The following PSMD12 variants were observed in gnomAD, a reference collection of about 807,000 sequenced individuals.
PSMD12 encodes 26S proteasome non-ATPase regulatory subunit 12.
A neutral mutation model predicts 62.9 loss-of-function variants in PSMD12; 8 were observed. The ratio of observed to expected loss-of-function variants is 0.13; its 90% CI spans 0.07 to 0.23. The LOEUF is 0.23. Among genes scored for constraint, PSMD12 ranks in the 10% least tolerant of loss-of-function variants. The pLI is 1.00. For missense variants in PSMD12, 424 were observed against 550.2 expected, an observed-to-expected ratio of 0.77 and a Z score of 2.29; for synonymous variants, 173 against 187.4, an observed-to-expected ratio of 0.92 and a Z score of 0.63.
chr17:67,347,007 G>T, intron 7 of PSMD12, 109 bp downstream of exon 7: 1 of 1,176,908 alleles, frequency 8.5e-7, no homozygotes, highest in Non-Finnish European at 1.2e-6. Flanking sequence ...ATAGAAAGCA[G>T]CACCATACAA....
At chr17:67,346,421 T>C (rs374370235) in intron 7 of PSMD12, among the ~76,000 whole-genome samples, 219 of 142,936 alleles carry the variant, frequency 1.5e-3, no homozygotes, top group African/African-American at 5.3e-3. Flanking sequence ...AAAAATTAGC[T>C]GGGCATGGTG....
chr17:67,355,473 A>T (rs1311513536), intron 3 of PSMD12: 1 of 152,238 alleles, frequency 6.6e-6, no homozygotes. Context: ...TCTGCAAAAA[A>T]TAATTTAACC....
chr17:67,343,644 T>C (rs1393563617), intron 9 of PSMD12, among the ~76,000 whole-genome samples: 1 of 152,224 alleles, frequency 6.6e-6, no homozygotes, highest in African/African-American at 2.4e-5. Flanking sequence ...CTGATACTCT[T>C]TTTATTTATA....
At chr17:67,354,567 A>T (rs958318118) in intron 3 of PSMD12, among the ~76,000 whole-genome samples, 2 of 152,180 alleles carry the variant, frequency 1.3e-5, no homozygotes, top group African/African-American at 4.8e-5. Context: ...TTGCCCCAAG[A>T]CTTCTAATTA....
intron 1 of PSMD12, among the ~76,000 whole-genome samples, chr17:67,365,178 C>T (rs2042167741): frequency 1.3e-5 from 2 of 149,186 alleles, no homozygotes. Context: ...AAGTGAAACT[C>T]CGTCTCAAAA....
Position 67,347,533 on chromosome 17 carries a change from T to C in PSMD12, c.511-48A>G, listed in dbSNP as rs755190205. On this transcript the variant is annotated intron_variant, in intron 5 of 10. Transcript: ENST00000356126. ...AAGTTTATAATACTTTGCAATTTTGTGAATTGCAATAAAATGAAATAGATA... is the reference window on the plus strand; with the variant it reads ...AAGTTTATAATACTTTGCAATTTTGCGAATTGCAATAAAATGAAATAGATA... 22 of 1,512,370 alleles carry C rather than the reference T, an allele frequency of 1.5e-5. No homozygotes were observed. In the Admixed American group the frequency reaches 2.5e-4, roughly 17 times the overall value. The allele number at this position is 1,512,370 out of a possible 1,614,324, so 93.7% of individuals were successfully genotyped here. A position where few individuals can be genotyped will look rare whatever the true frequency, so the allele number is the denominator to read the frequency against.
rs56070875 is a variant in PSMD12 at position 67,346,490 on chromosome 17, G to C, written c.795+626C>G. On this transcript the variant is annotated intron_variant, in intron 7 of 10. Transcript: ENST00000356126. ...TGAGGCAGGCGAGTCACTTGAATCC[G>C]GGAGGCGGAGGTTGCAGTGAGCCAA... Among the ~76,000 whole-genome samples the C allele has an allele frequency of 9.5e-4, 145 of 152,116 alleles. 1 individual carries two copies. The Middle Eastern group carries it at 0.01, about 11-fold the overall frequency.
chr17:67,366,520 G>C lies in PSMD12; in HGVS notation c.-1C>G. ...CCCGCTCCGAGCCGCCGTCCGCCAT[G>C]GTCCCCGCCTGAGCGTCCCTTGCTG... On this transcript the variant is annotated 5_prime_UTR_variant, in exon 1 of 11. Coordinates refer to ENST00000356126, the MANE Select transcript of PSMD12 (RefSeq NM_002816.5). 1 of 1,603,550 alleles carries C rather than the reference G, an allele frequency of 6.2e-7. No individual in the cohort carries two copies. Among genetic ancestry groups the C allele is most frequent in the Non-Finnish European group, 8.5e-7 (1 of 1,176,556 alleles).
Position 67,350,353 on chromosome 17 carries a change from C to A in PSMD12, c.298-17G>T. On this transcript the variant is annotated splice_polypyrimidine_tract_variant and intron_variant, in intron 3 of 10. Transcript: ENST00000356126. ...GGCAACAGCCTAAAATATTAAAAAC[C>A]ATTCATAAGTAAAATACATTCCTCA... 1.3e-6 allele frequency: 2 copies of A among 1,536,378 alleles called. No individual in the cohort carries two copies. The highest frequency in any genetic ancestry group is 8.9e-7 in the Non-Finnish European group (1 of 1,127,626).
intron 5 of PSMD12, 131 bp from the exon 6 acceptor site, chr17:67,347,616 G>A: frequency 3.6e-6 from 3 of 825,762 alleles, no homozygotes; most frequent in African/African-American, 1.7e-5. Flanking sequence ...GGAGAGTGTT[G>A]ACAATTACAT....
chr17:67,351,688 T>G (rs2042019613), intron 3 of PSMD12, among the ~76,000 whole-genome samples: 1 of 151,920 alleles, frequency 6.6e-6, no homozygotes, highest in South Asian at 2.1e-4. Flanking sequence ...ACCCAAACAG[T>G]GAACATTGCA....
chr17:67,359,282 GAGTTTGAGGCTGCAGTGAGCTAGGAATGT>G (rs2143730030), intron 1 of PSMD12, among the ~76,000 whole-genome samples: 1 of 152,328 alleles, frequency 6.6e-6, no homozygotes, highest in Non-Finnish European at 1.5e-5. Flanking sequence ...TTGAGTGCAA[GAGTTTGAGGCTGCAGTGAGCTAGGAATGT>G]ACCACTGCAC....
intron 1 of PSMD12, among the ~76,000 whole-genome samples, chr17:67,365,969 C>T (rs1169535184): frequency 2.6e-5 from 4 of 152,180 alleles, no homozygotes; most frequent in Non-Finnish European, 5.9e-5. Flanking sequence ...TATCACTTTC[C>T]TGCCCCTTCT....
rs974010043 is a variant in PSMD12, at chr17:67,340,198, G to A, written c.*645C>T. ...GATTCTGTTGAACAACTGATCAAGTGAGAGGATGAGGGCTGAAAGCAATCA... is the reference window on the plus strand; with the variant it reads ...GATTCTGTTGAACAACTGATCAAGTAAGAGGATGAGGGCTGAAAGCAATCA... On this transcript the variant is annotated 3_prime_UTR_variant, in exon 11 of 11. Transcript: ENST00000356126. The A allele has an allele frequency of 2.0e-5, 3 of 148,054 alleles. No individual in the cohort carries two copies. Among genetic ancestry groups the A allele is most frequent in the Non-Finnish European group, 4.4e-5 (3 of 67,448 alleles). 9.2% of individuals were successfully genotyped at this position (148,054 alleles called of 1,614,324 possible). A position where few individuals can be genotyped will look rare whatever the true frequency, so the allele number is the denominator to read the frequency against.
Position 67,357,519 on chromosome 17 carries a change from A to G in PSMD12, c.168T>C (p.Thr56=). The change falls in exon 2 of 11, where the codon ACT becomes ACC. Residue 56 remains threonine (T), a splice_region_variant and synonymous_variant. Transcript: ENST00000356126. The part of the protein sequence containing the change: ...TLLSLEKQTR[T]ASDMVSTSRI... Reference sequence around the variant, plus strand: ...GAGCTTTCCCCTGTAAACTACTCACAGTACGAGTCTGCTTTTCCAGAGAGA... The same window carrying G: ...GAGCTTTCCCCTGTAAACTACTCACGGTACGAGTCTGCTTTTCCAGAGAGA... The G allele has an allele frequency of 2.5e-6, 4 of 1,613,666 alleles. No homozygotes were observed. The highest frequency in any genetic ancestry group is 8.5e-7 in the Non-Finnish European group (1 of 1,179,590).
chr17:67,349,112 C>T (rs533715788), intron 4 of PSMD12, among the ~76,000 whole-genome samples: 1 of 152,194 alleles, frequency 6.6e-6, no homozygotes, highest in Non-Finnish European at 1.5e-5. Context: ...CTCTACCTCC[C>T]GGGTTCAACT....
At chr17:67,362,478 G>A (rs1177680135) in intron 1 of PSMD12, among the ~76,000 whole-genome samples, 1 of 152,046 alleles carries the variant, frequency 6.6e-6, no homozygotes, top group East Asian at 1.9e-4. Flanking sequence ...TTTGAGACCA[G>A]CCTAGCTAGT....
At chr17:67,342,699 G>C (rs572809965) in intron 9 of PSMD12, among the ~76,000 whole-genome samples, 2 of 152,090 alleles carry the variant, frequency 1.3e-5, no homozygotes, top group Admixed American at 1.3e-4. Flanking sequence ...CACTTTGGGA[G>C]GCTGAGGCAA....
intron 4 of PSMD12, among the ~76,000 whole-genome samples, chr17:67,349,007 G>T (rs2041994089): frequency 6.6e-6 from 1 of 152,050 alleles, no homozygotes; most frequent in Non-Finnish European, 1.5e-5. Flanking sequence ...AAAATAAAAG[G>T]TAGAACTGAA....
Sources: gnomAD v4.1 joint callset for allele counts (sites outside exome capture counted in the v4.1 genomes callset) on GRCh38, gnomAD v4.1.1 for gene constraint, MANE v1.5 for transcripts, NCBI Gene and HGNC (gene_info 2026-07-23, HGNC 2026-07-21) for gene names.